The following LAMC1 variants were observed in gnomAD, a reference collection of about 807,000 sequenced individuals.
LAMC1 encodes the protein laminin subunit gamma 1, also known as laminin subunit gamma-1.
Under a neutral mutation model 173.6 loss-of-function variants are expected in LAMC1, and 38 were observed. The observed-to-expected ratio is 0.22, with a 90% CI of 0.17 to 0.29. The LOEUF is 0.29. Among genes scored for constraint, LAMC1 ranks in the 10% least tolerant of loss-of-function variants. LAMC1 has a pLI of 1.00. For missense variants in LAMC1, 1,824 were observed against 2,051.8 expected (o/e 0.89, Z 2.14); for synonymous variants, 746 against 749.1 (o/e 1.00, Z 0.07).
At chr1:183,142,414 TTGCCGGG>T in intron 27 of LAMC1, 113 bp from the exon 28 acceptor site, 2 of 1,023,824 alleles carry the variant, frequency 2.0e-6, no homozygotes, top group Non-Finnish European at 2.8e-6. Context: ...CAAGTCACAT[TTGCCGGG>T]CTGCCTGTGC....
rs768499347 is a variant in LAMC1, at chr1:183,140,458, G to A, written c.4528G>A (p.Val1510Ile). The part of the protein sequence containing the change: ...EINARKAKNS[V>I]TSLLSIINDL... ...CAATGCCAGAAAAGCCAAAAACTCT[G>A]TTACTAGCCTCCTCAGCATTATTAA... Residue 1510 changes from valine (V) to isoleucine (I), a missense_variant, in exon 27 of 28, where the codon GTT becomes ATT. Coordinates refer to ENST00000258341, the MANE Select transcript of LAMC1 (RefSeq NM_002293.4). The A allele has an allele frequency of 1.2e-6, 2 of 1,613,678 alleles. No individual in the cohort carries two copies. Among genetic ancestry groups the A allele is most frequent in the South Asian group, 2.2e-5 (2 of 91,060 alleles).
At chr1:183,050,571 C>A (rs185189168) in intron 1 of LAMC1, among the ~76,000 whole-genome samples, 2 of 140,034 alleles carry the variant, frequency 1.4e-5, no homozygotes. Flanking sequence ...CGTGAGCCAC[C>A]GTGCCTGGCC....
chr1:183,098,957 GAA>G (rs528429921), intron 1 of LAMC1, among the ~76,000 whole-genome samples: 127 of 152,200 alleles, frequency 8.3e-4, no homozygotes, highest in African/African-American at 2.8e-3. Context: ...AAAAAGAAAA[GAA>G]AAGTCTTTCC....
intron 20 of LAMC1, 50 bp downstream of exon 20, chr1:183,131,428 GGTGT>G (rs55951405): frequency 1.1e-3 from 1,071 of 950,176 alleles, no homozygotes; most frequent in Middle Eastern, 2.7e-3. Flanking sequence ...TCTGTTATGG[GGTGT>G]GTGTGTGTGT....
intron 20 of LAMC1, 68 bp downstream of exon 20, chr1:183,131,446 T>A (rs1571462572): frequency 9.7e-7 from 1 of 1,035,844 alleles, no homozygotes; most frequent in East Asian, 2.4e-5. Context: ...TGTGTGTGTG[T>A]GTGTGTGTGT....
chr1:183,027,999 G>GC (rs2102004331), intron 1 of LAMC1, among the ~76,000 whole-genome samples: 1 of 152,236 alleles, frequency 6.6e-6, no homozygotes, highest in Admixed American at 6.5e-5. Context: ...TTCCTTAATG[G>GC]CCAGCAGTTG....
chr1:183,061,077 G>A (rs1290804593), intron 1 of LAMC1, among the ~76,000 whole-genome samples: 3 of 152,114 alleles, frequency 2.0e-5, no homozygotes, highest in African/African-American at 7.2e-5. Context: ...CCAGATGTGA[G>A]TTAATGAGGG....
chr1:183,118,528 G>A (rs1382410161), intron 11 of LAMC1, among the ~76,000 whole-genome samples: 1 of 152,080 alleles, frequency 6.6e-6, no homozygotes, highest in East Asian at 1.9e-4. Context: ...TTTGAGACCA[G>A]CCTGGCCAAC....
At chr1:183,118,323 G>A (rs978961047) in intron 11 of LAMC1, among the ~76,000 whole-genome samples, 177 bp downstream of exon 11, 1 of 151,872 alleles carries the variant, frequency 6.6e-6, no homozygotes, top group East Asian at 1.9e-4. Context: ...TCAAGGACCT[G>A]GAAAAAATTT....
chr1:183,106,161 A>T (rs989319527), intron 2 of LAMC1, among the ~76,000 whole-genome samples: 1 of 152,188 alleles, frequency 6.6e-6, no homozygotes, highest in Non-Finnish European at 1.5e-5. Context: ...TGCAGGGTCT[A>T]GCTCCGGGGT....
chr1:183,069,952 A>G (rs1654972459), intron 1 of LAMC1, among the ~76,000 whole-genome samples: 1 of 152,246 alleles, frequency 6.6e-6, no homozygotes, highest in Admixed American at 6.5e-5. Context: ...ACCAAGCCTG[A>G]AAAAAGAATG....
intron 26 of LAMC1, chr1:183,138,546 A>C (rs556337439): frequency 1.8e-4 from 27 of 152,354 alleles, no homozygotes; most frequent in African/African-American, 6.3e-4. Context: ...CACTGCTGCC[A>C]GAAAACATAG....
chr1:183,120,817 G>A (rs1030329105), intron 11 of LAMC1, among the ~76,000 whole-genome samples: 3 of 150,686 alleles, frequency 2.0e-5, no homozygotes, highest in Non-Finnish European at 3.0e-5. Flanking sequence ...TTACTTGAGA[G>A]TTTTTGTTTT....
chr1:183,119,604 G>A (rs1277614246), intron 11 of LAMC1, among the ~76,000 whole-genome samples: 1 of 152,106 alleles, frequency 6.6e-6, no homozygotes, highest in Non-Finnish European at 1.5e-5. Flanking sequence ...GTATGGTGGT[G>A]CATGCCTGTA....
intron 26 of LAMC1, 164 bp downstream of exon 26, chr1:183,137,991 T>A: frequency 1.6e-6 from 1 of 634,478 alleles, no homozygotes; most frequent in Non-Finnish European, 2.4e-6. Flanking sequence ...ACAAAGAATT[T>A]GGATCTTCTG....
intron 1 of LAMC1, among the ~76,000 whole-genome samples, chr1:183,040,401 G>C (rs775533198): frequency 6.6e-6 from 1 of 152,196 alleles, no homozygotes; most frequent in Non-Finnish European, 1.5e-5. Context: ...GACAGGAAAG[G>C]CTATTGATGA....
At chr1:183,115,943 A>G (rs912198353) in intron 6 of LAMC1, among the ~76,000 whole-genome samples, 1 of 152,112 alleles carries the variant, frequency 6.6e-6, no homozygotes, top group East Asian at 1.9e-4. Flanking sequence ...GATCAAGACC[A>G]TGGTGAAACC....
At chr1:183,078,182 T>C (rs537986524) in intron 1 of LAMC1, among the ~76,000 whole-genome samples, 1 of 152,318 alleles carries the variant, frequency 6.6e-6, no homozygotes, top group East Asian at 1.9e-4. Flanking sequence ...TTTATCACAT[T>C]GGAATGTTAG....
chr1:183,103,581 C>G lies in LAMC1; in HGVS notation c.672C>G (p.Thr224=), dbSNP rs1330364405. The change falls in exon 2 of 28, where the codon ACC becomes ACG. Residue 224 remains threonine, a synonymous_variant. Transcript: ENST00000258341. ...PLTGGNVAFS[T]LEGRPSAYNF... is the part of the protein sequence containing the mutation. ...CTGGGGGCAACGTGGCCTTTTCTAC[C>G]CTGGAAGGAAGGCCCAGCGCCTATA... 4 of 1,607,784 alleles carry G rather than the reference C, an allele frequency of 2.5e-6. No individual in the cohort carries two copies. Among genetic ancestry groups the G allele is most frequent in the African/African-American group, 2.7e-5 (2 of 74,736 alleles).
Sources: gnomAD v4.1 joint callset for allele counts (sites outside exome capture counted in the v4.1 genomes callset) on GRCh38, gnomAD v4.1.1 for gene constraint, MANE v1.5 for transcripts, NCBI Gene and HGNC (gene_info 2026-07-23, HGNC 2026-07-21) for gene names.